Variants in TENM2 observed in about 807,000 individuals in gnomAD.
The protein encoded by TENM2 is teneurin transmembrane protein 2, also known as teneurin-2.
Under a neutral mutation model 245.2 loss-of-function variants are expected in TENM2, and 52 were observed. That is an observed-to-expected ratio of 0.21 (90% CI 0.17 to 0.27). TENM2 has a LOEUF of 0.27. Among genes scored for constraint, TENM2 ranks in the 10% least tolerant of loss-of-function variants. TENM2 has a pLI of 1.00. For synonymous variants in TENM2, 1,363 were observed against 1,438.9 expected (o/e 0.95, Z 1.19); for missense variants, 3,046 against 3,666.8 (o/e 0.83, Z 4.37).
chr5:167,856,531 T>C (rs932159777), intron 2 of TENM2, among the ~76,000 whole-genome samples: 1 of 152,216 alleles, frequency 6.6e-6, no homozygotes, highest in Non-Finnish European at 1.5e-5. Context: ...CCTCTAAGGA[T>C]GCATGAATCT....
the TENM2 span, among the ~76,000 whole-genome samples, chr5:167,248,506 G>GCAA: frequency 1.3e-5 from 2 of 152,122 alleles, no homozygotes; most frequent in African/African-American, 4.8e-5. Flanking sequence ...CCCAGGTGGT[G>GCAA]TCCGTGCTGC....
the TENM2 span, among the ~76,000 whole-genome samples, chr5:167,213,489 G>A: frequency 6.6e-6 from 1 of 152,052 alleles, no homozygotes; most frequent in Non-Finnish European, 1.5e-5. Flanking sequence ...CCTCCCAAAG[G>A]CCCCACCTAG....
chr5:168,172,437 A>C (rs1258402018), intron 13 of TENM2, among the ~76,000 whole-genome samples: 1 of 152,170 alleles, frequency 6.6e-6, no homozygotes. Flanking sequence ...CAATCCCCAC[A>C]AGAGCCCTGG....
At position 167,801,142 on chromosome 5, in the gene TENM2, ATATATATATATG is replaced by A. The variant is rs1174402749; in HGVS notation, c.503-74836_503-74825del. 2.0e-3 allele frequency among the ~76,000 whole-genome samples: 206 copies of A among 103,748 alleles called. 1 individual carries two copies. The highest frequency in any genetic ancestry group is 7.1e-3 in the East Asian group (25 of 3,536). 68.1% of individuals were successfully genotyped at this position (103,748 alleles called of 152,430 possible). ...TATATATATATATATATATATATATATATATATATATGTATATATTCCCCAGGGTCAAAGTGT... is the reference window on the plus strand; with the variant it reads ...TATATATATATATATATATATATATATATATATTCCCCAGGGTCAAAGTGT... On this transcript the variant is annotated intron_variant, in intron 2 of 28. Transcript: ENST00000518659.
the TENM2 span, among the ~76,000 whole-genome samples, chr5:166,993,275 A>G: frequency 1.3e-5 from 2 of 152,124 alleles, no homozygotes; most frequent in African/African-American, 4.8e-5. Flanking sequence ...TTTGCAAGAA[A>G]AGGAACGCAA....
chr5:167,110,122 C>T, the TENM2 span, among the ~76,000 whole-genome samples: 6 of 152,120 alleles, frequency 3.9e-5, no homozygotes, highest in Admixed American at 3.9e-4. Context: ...GCCGAGGGCT[C>T]CCAACAGAGA....
the TENM2 span, among the ~76,000 whole-genome samples, chr5:167,201,108 C>T: frequency 6.6e-6 from 1 of 152,174 alleles, no homozygotes; most frequent in Admixed American, 6.5e-5. Flanking sequence ...TCTTCTCTTA[C>T]AATAGAAGCC....
At chr5:167,686,001 G>C in intron 2 of TENM2, among the ~76,000 whole-genome samples, 1 of 152,056 alleles carries the variant, frequency 6.6e-6, no homozygotes, top group East Asian at 1.9e-4. Flanking sequence ...CCACATCCTC[G>C]TCAGTAAAAT....
intron 5 of TENM2, among the ~76,000 whole-genome samples, chr5:168,003,731 G>C (rs1784589901): frequency 6.6e-6 from 1 of 152,122 alleles, no homozygotes; most frequent in Non-Finnish European, 1.5e-5. Context: ...GAACTACTTA[G>C]ATAAACAACA....
At chr5:167,114,171 C>G in the TENM2 span, among the ~76,000 whole-genome samples, 4 of 152,142 alleles carry the variant, frequency 2.6e-5, no homozygotes, top group African/African-American at 7.2e-5. Context: ...AAACGTTTTT[C>G]TTCTGTCTCT....
At chr5:168,116,453 C>T (rs1278010067) in intron 9 of TENM2, among the ~76,000 whole-genome samples, 2 of 151,996 alleles carry the variant, frequency 1.3e-5, no homozygotes, top group Non-Finnish European at 2.9e-5. Context: ...CATGCACTTC[C>T]CCAGAAAAAG....
In TENM2 at chr5:167,712,551, T is replaced by G. The variant is rs928025259; in HGVS notation, c.503-163435T>G. Among the ~76,000 whole-genome samples the G allele has an allele frequency of 2.6e-5, 4 of 152,206 alleles. No homozygotes were observed. The East Asian group carries it at 7.7e-4, about 29-fold the overall frequency. On this transcript the variant is annotated intron_variant, in intron 2 of 28. Transcript: ENST00000518659. ...CCTTTGTTAAAAAGTTTTGCTTCAT[T>G]TTTTGTTTTATAGGGAAGAACTATC... is the stretch of plus-strand genomic sequence containing the variant.
At chr5:167,023,187 G>A in the TENM2 span, among the ~76,000 whole-genome samples, 1 of 152,126 alleles carries the variant, frequency 6.6e-6, no homozygotes, top group Non-Finnish European at 1.5e-5. Context: ...TCCAATCCAA[G>A]GACAATAACA....
chr5:168,156,714 CTT>C (rs796976966), intron 12 of TENM2, among the ~76,000 whole-genome samples: 3 of 150,334 alleles, frequency 2.0e-5, no homozygotes, highest in Non-Finnish European at 4.4e-5. Context: ...TGTGGACAGA[CTT>C]TTTTTTTTCT....
At chr5:167,311,619 G>A (rs1404695538) in intron 1 of TENM2, among the ~76,000 whole-genome samples, 1 of 152,044 alleles carries the variant, frequency 6.6e-6, no homozygotes, top group Non-Finnish European at 1.5e-5. Context: ...TATTATAATA[G>A]TTCAGTGAAC....
intron 2 of TENM2, among the ~76,000 whole-genome samples, chr5:167,646,515 C>T (rs1719987873): frequency 6.6e-6 from 1 of 150,856 alleles, no homozygotes; most frequent in Non-Finnish European, 1.5e-5. Context: ...AGCTGAACCT[C>T]GGAATATGAG....
chr5:168,191,808 A>G (rs1760990297), intron 14 of TENM2, among the ~76,000 whole-genome samples: 1 of 152,032 alleles, frequency 6.6e-6, no homozygotes. Context: ...TCGGTCCCCA[A>G]CCGAGACAGC....
At chr5:167,596,298 G>A (rs917975441) in intron 2 of TENM2, among the ~76,000 whole-genome samples, 8 of 151,988 alleles carry the variant, frequency 5.3e-5, no homozygotes, top group African/African-American at 1.5e-4. Flanking sequence ...TACTGTCTAC[G>A]GTGCCCCACA....
At chr5:167,258,231 A>ATATATATATATATATATGTG in the TENM2 span, among the ~76,000 whole-genome samples, 2 of 96,004 alleles carry the variant, frequency 2.1e-5, no homozygotes, top group African/African-American at 4.1e-5. Flanking sequence ...ATATATGTGT[A>ATATATATATATATATATGTG]TATATATATA....
Sources: allele counts gnomAD v4.1 joint callset (sites outside exome capture counted in the v4.1 genomes callset), GRCh38; gene constraint gnomAD v4.1.1; transcripts MANE v1.5; gene names NCBI Gene and HGNC (gene_info 2026-07-23, HGNC 2026-07-21).